The following ZNF584 variants were observed in gnomAD, a reference collection of about 807,000 sequenced individuals.
The protein encoded by ZNF584 is zinc finger protein 584.
Under a neutral mutation model 14.7 loss-of-function variants are expected in ZNF584, and 12 were observed. That is an observed-to-expected ratio of 0.82 (90% CI 0.52 to 1.32). The LOEUF (loss-of-function observed/expected upper bound fraction) is 1.32. Among genes scored for constraint, ZNF584 ranks in the 40% most tolerant of loss-of-function variants. ZNF584 has a pLI of 0.00. For missense variants in ZNF584, 478 were observed against 518.8 expected (o/e 0.92, Z 0.76); for synonymous variants, 204 against 190.9 (o/e 1.07, Z -0.57).
rs2052633935 is a variant in ZNF584, at chr19:58,415,706, C to T, written c.292+60C>T. The T allele has an allele frequency of 3.1e-6, 5 of 1,608,004 alleles. No homozygotes were observed. In the South Asian group the frequency reaches 3.3e-5, roughly 11 times the overall value. On this transcript the variant is annotated intron_variant, in intron 3 of 3. Transcript: ENST00000306910. ...CAGTGGGCTCACAGAATGCTGAGTA[C>T]CTGCATACACCGATACCTTGGTGTT...
intron 2 of ZNF584, among the ~76,000 whole-genome samples, chr19:58,410,605 ATATATATG>A (rs2052546379): frequency 4.2e-4 from 5 of 11,970 alleles, no homozygotes; most frequent in African/African-American, 1.3e-3. Context: ...ATATATATGT[ATATATATG>A]TGTATATATG....
intron 2 of ZNF584, among the ~76,000 whole-genome samples, chr19:58,413,336 TTTTC>T (rs1278024758): frequency 2.0e-5 from 3 of 151,952 alleles, no homozygotes; most frequent in Non-Finnish European, 4.4e-5. Context: ...ATTTTTTTCT[TTTTC>T]TTTTTCTTTT....
chr19:58,414,521 T>C (rs1187659243), intron 2 of ZNF584, among the ~76,000 whole-genome samples: 1 of 149,926 alleles, frequency 6.7e-6, no homozygotes, highest in African/African-American at 2.4e-5. Context: ...TTTTTGTATT[T>C]TTAGTAGAGA....
chr19:58,402,824 C>CAAAAAA (rs35168811), intron 1 of ZNF584, among the ~76,000 whole-genome samples: 4 of 47,494 alleles, frequency 8.4e-5, no homozygotes, highest in Admixed American at 6.4e-4. Context: ...AACTGCGTCT[C>CAAAAAA]AAAAAAAAAA....
intron 1 of ZNF584, 43 bp downstream of exon 1, chr19:58,409,208 TG>T (rs1194323481): frequency 2.9e-6 from 4 of 1,396,198 alleles, no homozygotes; most frequent in South Asian, 1.6e-5. Context: ...GCCCACCAGG[TG>T]GGGGGCGGCG....
chr19:58,410,649 ATATATGTG>A (rs1568584816), intron 2 of ZNF584, among the ~76,000 whole-genome samples: 7 of 24,876 alleles, frequency 2.8e-4, no homozygotes, highest in African/African-American at 2.4e-3. Flanking sequence ...ATATATGTGT[ATATATGTG>A]TATATATGTA....
chr19:58,409,546 G>A (rs576321701), intron 1 of ZNF584, among the ~76,000 whole-genome samples: 2 of 152,362 alleles, frequency 1.3e-5, no homozygotes, highest in East Asian at 3.9e-4. Flanking sequence ...GAGACCTAAG[G>A]GAGAAGGATG....
At chr19:58,410,549 A>ATATATATG (rs2052539644) in intron 2 of ZNF584, among the ~76,000 whole-genome samples, 3 of 31,558 alleles carry the variant, frequency 9.5e-5, no homozygotes, top group African/African-American at 4.9e-4. Flanking sequence ...ATATATATAT[A>ATATATATG]TATATATATG....
In ZNF584 at chr19:58,409,957, C is replaced by T. The variant is rs146144368; in HGVS notation, c.35C>T (p.Ser12Leu). The change falls in exon 2 of 4, where the codon TCA becomes TTA. Residue 12 changes from serine (S) to leucine (L), a missense_variant. Coordinates refer to ENST00000306910, the MANE Select transcript of ZNF584 (RefSeq NM_173548.3). Reference sequence around the variant, plus strand: ...GACCCCAAGGCTCAGTTGGACCCATCATTGCAGGGCTTGGTGATGTTTGAG... The same window carrying T: ...GACCCCAAGGCTCAGTTGGACCCATTATTGCAGGGCTTGGTGATGTTTGAG... The part of the protein sequence containing the change: ...AGEAEAQLDP[S>L]LQGLVMFEDV... 10 of 1,613,966 alleles carry T rather than the reference C, an allele frequency of 6.2e-6. No individual in the cohort carries two copies. In the South Asian group the frequency reaches 1.1e-4, roughly 18 times the overall value.
At position 58,409,941 on chromosome 19, in the gene ZNF584, G is replaced by T; in HGVS notation, c.19G>T (p.Ala7Ser). The change falls in exon 2 of 4, where the codon GCT (alanine) becomes TCT (serine). Residue 7 changes from alanine to serine, a missense_variant and splice_region_variant. By Grantham distance (99) the Ala-to-Ser change is moderately conservative (BLOSUM62 1). Around this residue, in one of 3 missense-constraint regions of ZNF584, gnomAD observed 189 missense variants for 177.9 expected, o/e 1.06. Transcript: ENST00000306910. ...TTTTCTGCCCATCATTGACCCCAAG[G>T]CTCAGTTGGACCCATCATTGCAGGG... is the stretch of plus-strand genomic sequence containing the variant. MAGEAE[A>S]QLDPSLQGLV... 2 of 1,614,016 alleles carry T rather than the reference G, an allele frequency of 1.2e-6. No individual in the cohort carries two copies. Among genetic ancestry groups the T allele is most frequent in the Non-Finnish European group, 1.7e-6 (2 of 1,179,980 alleles).
At chr19:58,407,338 T>C (rs3826684), upstream of ZNF584, 27,269 of 152,254 alleles carry the variant, frequency 0.18, 2,674 homozygotes, top group Non-Finnish European at 0.22. Flanking sequence ...AAATGAACAT[T>C]CAGGGAAGGC....
chr19:58,408,829 G>A lies in ZNF584; in HGVS notation c.-319G>A, dbSNP rs1260170503. ...GCCTCAGGCAGCTCTGCGTGGGCCG[G>A]GGTGACTTCCTCGCGATCCCCTGCG... On this transcript the variant is annotated 5_prime_UTR_variant, in exon 1 of 4. Coordinates refer to ENST00000306910, the MANE Select transcript of ZNF584 (RefSeq NM_173548.3). 6.5e-6 allele frequency: 2 copies of A among 306,752 alleles called. No individual in the cohort carries two copies. Among genetic ancestry groups the A allele is most frequent in the African/African-American group, 2.2e-5 (1 of 46,478 alleles). The allele number at this position is 306,752 out of a possible 1,614,324, so 19.0% of individuals were successfully genotyped here.
At chr19:58,414,705 T>C (rs2052618230) in intron 2 of ZNF584, among the ~76,000 whole-genome samples, 2 of 152,054 alleles carry the variant, frequency 1.3e-5, no homozygotes, top group South Asian at 4.1e-4. Context: ...CACGTGACAA[T>C]GTATATCCTG....
At chr19:58,409,416 G>A (rs780520977) in intron 1 of ZNF584, among the ~76,000 whole-genome samples, 3 of 152,338 alleles carry the variant, frequency 2.0e-5, no homozygotes, top group Admixed American at 2.0e-4. Context: ...GGAAGGCCAG[G>A]CAATTGCCTA....
Position 58,409,103 on chromosome 19 carries a change from G to T in ZNF584, c.-45G>T, listed in dbSNP as rs781329161. ...GTTTCCGCGCCCGGGACGCGTTTCGGCTGAGGCCGTGGGTCCAGTCCACGG... is the reference window on the plus strand; with the variant it reads ...GTTTCCGCGCCCGGGACGCGTTTCGTCTGAGGCCGTGGGTCCAGTCCACGG... On this transcript the variant is annotated 5_prime_UTR_variant, in exon 1 of 4. Coordinates refer to ENST00000306910, the MANE Select transcript of ZNF584 (RefSeq NM_173548.3). 11 of 1,471,238 alleles carry T rather than the reference G, an allele frequency of 7.5e-6. No individual in the cohort carries two copies. Among genetic ancestry groups the T allele is most frequent in the Non-Finnish European group, 9.1e-6 (10 of 1,102,518 alleles). 91.1% of individuals were successfully genotyped at this position (1,471,238 alleles called of 1,614,324 possible).
In ZNF584 at chr19:58,410,587, A is replaced by G. The variant is rs1384292571; in HGVS notation, c.169+496A>G. ...TATATATATATGTATATATATGTAT[A>G]TATATGTATATATATGTATATATAT... On this transcript the variant is annotated intron_variant, in intron 2 of 3. Coordinates refer to ENST00000306910, the MANE Select transcript of ZNF584 (RefSeq NM_173548.3). 1.7e-4 allele frequency among the ~76,000 whole-genome samples: 6 copies of G among 34,732 alleles called. No homozygotes were observed. The African/African-American group carries it at 1.9e-3, about 11-fold the overall frequency. 22.8% of individuals were successfully genotyped at this position (34,732 alleles called of 152,430 possible).
chr19:58,401,732 A>G (rs2052432117), intron 1 of ZNF584: 1 of 148,234 alleles, frequency 6.7e-6, no homozygotes, highest in Non-Finnish European at 1.5e-5. Flanking sequence ...CACGCCGGGG[A>G]CGAGTCTGTG....
chr19:58,405,208 C>T (rs558241657), upstream of ZNF584: 2,644 of 143,530 alleles, frequency 0.018, 90 homozygotes, highest in African/African-American at 0.066. Flanking sequence ...GTCGGCTGGC[C>T]GCGCGGGGGG....
At position 58,417,854 on chromosome 19, in the gene ZNF584, C is replaced by A; in HGVS notation, c.*70C>A. On this transcript the variant is annotated 3_prime_UTR_variant, in exon 4 of 4. Transcript: ENST00000306910. Reference sequence around the variant, plus strand: ...GGAGAGTGGCCGTGAGAGTGCCATCCGAAAGAAGCTAAACCTTGCACATCC... The same window carrying A: ...GGAGAGTGGCCGTGAGAGTGCCATCAGAAAGAAGCTAAACCTTGCACATCC... 1 of 1,523,842 alleles carries A rather than the reference C, an allele frequency of 6.6e-7. No individual in the cohort carries two copies. The highest frequency in any genetic ancestry group is 1.3e-5 in the South Asian group (1 of 76,510). 94.4% of individuals were successfully genotyped at this position (1,523,842 alleles called of 1,614,324 possible).
Sources: allele counts gnomAD v4.1 joint callset (sites outside exome capture counted in the v4.1 genomes callset), GRCh38; gene constraint gnomAD v4.1.1; regional missense constraint gnomAD v4.1.1; transcripts MANE v1.5; gene names NCBI Gene and HGNC (gene_info 2026-07-23, HGNC 2026-07-21).